Variants in DCLK1 observed in about 807,000 individuals in gnomAD.
The protein encoded by DCLK1 is doublecortin like kinase 1, also known as serine/threonine-protein kinase DCLK1.
Under a neutral mutation model 86.2 loss-of-function variants are expected in DCLK1, and 16 were observed. The ratio of observed to expected loss-of-function variants is 0.19; its 90% CI spans 0.13 to 0.28. DCLK1 has a LOEUF of 0.28. Among genes scored for constraint, DCLK1 ranks in the 10% least tolerant of loss-of-function variants. The pLI is 1.00. For missense variants in DCLK1, 590 were observed against 940.2 expected (o/e 0.63, Z 4.87); for synonymous variants, 369 against 370.5 (o/e 1.00, Z 0.05).
rs903574564 is a variant in DCLK1, at chr13:35,771,463, G to A, written c.*3072C>T. 5.9e-5 allele frequency: 9 copies of A among 151,926 alleles called. No individual in the cohort carries two copies. The highest frequency in any genetic ancestry group is 1.5e-4 in the African/African-American group (6 of 41,342). The allele number at this position is 151,926 out of a possible 1,614,324, so 9.4% of individuals were successfully genotyped here. On this transcript the variant is annotated 3_prime_UTR_variant, in exon 17 of 17. Coordinates refer to ENST00000360631, the MANE Select transcript of DCLK1 (RefSeq NM_001330071.2). The stretch of plus-strand genomic sequence containing the variant: ...CTGAAATCTTACTTTTCCTTCTAAC[G>A]ATCTGGAGCAAATCACATATTCATT...
At chr13:35,847,071 C>T in intron 6 of DCLK1, 5 of 984,608 alleles carry the variant, frequency 5.1e-6, no homozygotes, top group Non-Finnish European at 6.0e-6. Flanking sequence ...TACAAGCCAT[C>T]CATACACACA....
intron 3 of DCLK1, among the ~76,000 whole-genome samples, chr13:36,061,371 A>C (rs1035674355): frequency 1.3e-5 from 2 of 152,196 alleles, no homozygotes; most frequent in Non-Finnish European, 2.9e-5. Context: ...AAAGTATCTA[A>C]AGACAAATAT....
chr13:35,982,250 C>T (rs750412253), intron 3 of DCLK1, among the ~76,000 whole-genome samples: 13 of 151,942 alleles, frequency 8.6e-5, no homozygotes, highest in South Asian at 2.1e-4. Flanking sequence ...TCTGGTGGCA[C>T]GTGCCTGTAA....
chr13:36,026,970 A>G (rs1395713282), intron 3 of DCLK1, among the ~76,000 whole-genome samples: 3 of 152,230 alleles, frequency 2.0e-5, no homozygotes, highest in African/African-American at 7.2e-5. Context: ...CTACTTATTT[A>G]AAAAAACTTT....
At chr13:35,878,943 G>C (rs1304745798) in intron 4 of DCLK1, among the ~76,000 whole-genome samples, 1 of 151,990 alleles carries the variant, frequency 6.6e-6, no homozygotes, top group Non-Finnish European at 1.5e-5. Flanking sequence ...ACACTGCCAT[G>C]CCCAGCTGAT....
chr13:35,854,977 T>C (rs1227232509), intron 5 of DCLK1, among the ~76,000 whole-genome samples: 1 of 152,196 alleles, frequency 6.6e-6, no homozygotes, highest in Non-Finnish European at 1.5e-5. Flanking sequence ...CAGGAATAAA[T>C]ATAAGCACAG....
At chr13:35,894,471 G>A (rs1873829574) in intron 4 of DCLK1, among the ~76,000 whole-genome samples, 1 of 152,212 alleles carries the variant, frequency 6.6e-6, no homozygotes, top group Non-Finnish European at 1.5e-5. Flanking sequence ...ACTCCAGCCT[G>A]GGAACAGGTG....
chr13:35,972,013 G>A (rs982882906), intron 3 of DCLK1, among the ~76,000 whole-genome samples: 1 of 152,104 alleles, frequency 6.6e-6, no homozygotes, highest in Non-Finnish European at 1.5e-5. Flanking sequence ...TGCACTCCCA[G>A]GAGCTTCTCC....
At chr13:36,059,920 G>T (rs558109262) in intron 3 of DCLK1, among the ~76,000 whole-genome samples, 1 of 149,858 alleles carries the variant, frequency 6.7e-6, no homozygotes, top group African/African-American at 2.5e-5. Context: ...CACCCAGGCC[G>T]GAGTGCAGTG....
At chr13:36,013,391 T>A (rs1386057880) in intron 3 of DCLK1, among the ~76,000 whole-genome samples, 1 of 151,988 alleles carries the variant, frequency 6.6e-6, no homozygotes, top group South Asian at 2.1e-4. Flanking sequence ...GATGGTGATG[T>A]ACAGATGGGT....
Position 36,091,670 on chromosome 13 carries a change from G to C in DCLK1, c.723+20199C>G, listed in dbSNP as rs1398846308. ...AGGTATAAATATATGTGATATATGAGTCAAGGTAGATAAAGAAAATAGCCA... is the reference window on the plus strand; with the variant it reads ...AGGTATAAATATATGTGATATATGACTCAAGGTAGATAAAGAAAATAGCCA... On this transcript the variant is annotated intron_variant, in intron 3 of 16. Coordinates refer to ENST00000360631, the MANE Select transcript of DCLK1 (RefSeq NM_001330071.2). Among the ~76,000 whole-genome samples, 6 of 152,124 alleles carry C rather than the reference G, an allele frequency of 3.9e-5. No homozygotes were observed. In the South Asian group the frequency reaches 1.2e-3, roughly 31 times the overall value.
Position 35,771,850 on chromosome 13 carries a change from T to C in DCLK1, c.*2685A>G, listed in dbSNP as rs1214836130. Reference sequence around the variant, plus strand: ...ATGATAAGTGAAATCAAAAATAAGATCAATTTGGTTATAGAAATTCCTTAA... The same window carrying C: ...ATGATAAGTGAAATCAAAAATAAGACCAATTTGGTTATAGAAATTCCTTAA... On this transcript the variant is annotated 3_prime_UTR_variant, in exon 17 of 17. Coordinates refer to ENST00000360631, the MANE Select transcript of DCLK1 (RefSeq NM_001330071.2). 1 of 152,170 alleles carries C rather than the reference T, an allele frequency of 6.6e-6. No individual in the cohort carries two copies. The highest frequency in any genetic ancestry group is 1.5e-5 in the Non-Finnish European group (1 of 68,026). 9.4% of individuals were successfully genotyped at this position (152,170 alleles called of 1,614,324 possible). A position where few individuals can be genotyped will look rare whatever the true frequency, so the allele number is the denominator to read the frequency against.
At chr13:36,095,169 C>CTGTTTTTTTTT (rs1884961629) in intron 3 of DCLK1, among the ~76,000 whole-genome samples, 1 of 141,522 alleles carries the variant, frequency 7.1e-6, no homozygotes, top group African/African-American at 2.7e-5. Context: ...ATCTCTCTCT[C>CTGTTTTTTTTT]TTTGTTTTTT....
chr13:35,892,286 T>C (rs182910981), intron 4 of DCLK1, among the ~76,000 whole-genome samples: 26 of 152,340 alleles, frequency 1.7e-4, no homozygotes, highest in Non-Finnish European at 3.2e-4. Context: ...AATAAAAGTA[T>C]AGGCATTATT....
intron 2 of DCLK1, among the ~76,000 whole-genome samples, chr13:36,123,786 G>C (rs980307841): frequency 6.6e-6 from 1 of 152,220 alleles, no homozygotes; most frequent in African/African-American, 2.4e-5. Context: ...CAATAACTGA[G>C]AGCTATCATT....
intron 6 of DCLK1, among the ~76,000 whole-genome samples, chr13:35,844,556 T>G (rs1333077995): frequency 1.3e-4 from 20 of 152,180 alleles, no homozygotes; most frequent in Admixed American, 1.3e-3. Context: ...ACACCCTTCA[T>G]GAAATCGTAG....
chr13:35,977,823 T>C (rs146374850), intron 3 of DCLK1, among the ~76,000 whole-genome samples: 1 of 152,204 alleles, frequency 6.6e-6, no homozygotes, highest in African/African-American at 2.4e-5. Context: ...GGCCCAGATG[T>C]TGTCTCGGTG....
chr13:36,043,680 A>G (rs1465901635), intron 3 of DCLK1, among the ~76,000 whole-genome samples: 1 of 152,160 alleles, frequency 6.6e-6, no homozygotes, highest in Non-Finnish European at 1.5e-5. Context: ...ATATAGAAGT[A>G]AATATGAGGG....
At chr13:36,019,000 A>T (rs922822361) in intron 3 of DCLK1, among the ~76,000 whole-genome samples, 2 of 152,194 alleles carry the variant, frequency 1.3e-5, no homozygotes, top group Non-Finnish European at 2.9e-5. Flanking sequence ...TTGTTTCAGG[A>T]TCTCAAATTT....
Sources: gnomAD v4.1 joint callset for allele counts (sites outside exome capture counted in the v4.1 genomes callset) on GRCh38, gnomAD v4.1.1 for gene constraint, MANE v1.5 for transcripts, NCBI Gene and HGNC (gene_info 2026-07-23, HGNC 2026-07-21) for gene names.